HAS1: variants seen among roughly 807,000 people sequenced by gnomAD.
The protein encoded by HAS1 is hyaluronan synthase 1.
HAS1 carries 27 observed loss-of-function variants against 35.0 expected under a neutral mutation model. The ratio of observed to expected loss-of-function variants is 0.77; its 90% CI spans 0.57 to 1.06. HAS1 has a LOEUF of 1.06. Among genes scored for constraint, HAS1 ranks in the 50% least tolerant of loss-of-function variants. The pLI is 0.00. For synonymous variants in HAS1, 409 were observed against 371.2 expected, an observed-to-expected ratio of 1.10 and a Z score of -1.17; for missense variants, 940 against 814.8, an observed-to-expected ratio of 1.15 and a Z score of -1.87.
rs762435007 is a variant in HAS1, at chr19:51,719,360, T to A, written c.545A>T (p.Tyr182Phe). ...AAAGAVGAGA[Y>F]REVEAEDPGR... ...AGGATCCTCCGCCTCCACCTCCCGATAGGCTCCGGCGCCCACCGCGCCCGC... is the reference window on the plus strand; with the variant it reads ...AGGATCCTCCGCCTCCACCTCCCGAAAGGCTCCGGCGCCCACCGCGCCCGC... Residue 182 changes from tyrosine (Y) to phenylalanine (F), a missense_variant, in exon 2 of 5, where the codon TAT (tyrosine) becomes TTT (phenylalanine). By Grantham distance (22) the Tyr-to-Phe change is conservative. Transcript: ENST00000540069. 50 of 1,603,250 alleles carry A rather than the reference T, an allele frequency of 3.1e-5. No homozygotes were observed. Among genetic ancestry groups the A allele is most frequent in the African/African-American group, 5.4e-5 (4 of 74,546 alleles).
At position 51,719,295 on chromosome 19, in the gene HAS1, A is replaced by G; in HGVS notation, c.610T>C (p.Cys204Arg). The change falls in exon 2 of 5, where the codon TGC (cysteine) becomes CGC (arginine). Residue 204 changes from cysteine to arginine, a missense_variant. By Grantham distance (180) the Cys-to-Arg change is radical. Coordinates refer to ENST00000540069, the MANE Select transcript of HAS1 (RefSeq NM_001297436.2). Reference sequence around the variant, plus strand: ...CCCCAGCGCTGCGCCACGCACACGCACCTGCGAGTCCTCACCAGCGCCTCC... The same window carrying G: ...CCCCAGCGCTGCGCCACGCACACGCGCCTGCGAGTCCTCACCAGCGCCTCC... ...AVEALVRTRR[C>R]VCVAQRWGGK... 6.2e-7 allele frequency: 1 copy of G among 1,612,090 alleles called. No individual in the cohort carries two copies. Among genetic ancestry groups the G allele is most frequent in the Non-Finnish European group, 8.5e-7 (1 of 1,179,358 alleles).
chr19:51,715,705 C>G (rs11667974), intron 4 of HAS1, among the ~76,000 whole-genome samples: 22,271 of 152,190 alleles, frequency 0.15, 1,790 homozygotes, highest in Admixed American at 0.23. Flanking sequence ...AGAAATCACT[C>G]TCCCCTGAAC....
In HAS1 at chr19:51,714,117, G is replaced by A; in HGVS notation, c.1059-15C>T. 6.2e-7 allele frequency: 1 copy of A among 1,606,678 alleles called. No individual in the cohort carries two copies. On this transcript the variant is annotated splice_polypyrimidine_tract_variant and intron_variant, in intron 4 of 4. Transcript: ENST00000540069. ...TGGAGGTGTACCTGCACGGGGGCGA[G>A]GAATGAGGGCATCATCGCGTGCTCC...
intron 4 of HAS1, among the ~76,000 whole-genome samples, chr19:51,715,522 C>A (rs2083580787): frequency 1.3e-5 from 2 of 152,162 alleles, no homozygotes; most frequent in Admixed American, 6.5e-5. Context: ...TTATTTATTT[C>A]TTGTGTGTCT....
chr19:51,713,562 G>A lies in HAS1; in HGVS notation c.1599C>T (p.Arg533=), dbSNP rs1049343160. 23 of 1,576,454 alleles carry A rather than the reference G, an allele frequency of 1.5e-5. No individual in the cohort carries two copies. Among genetic ancestry groups the A allele is most frequent in the Non-Finnish European group, 1.8e-5 (21 of 1,162,104 alleles). Residue 533 remains arginine (R), a synonymous_variant, in exon 5 of 5, where the codon CGC becomes CGT. Coordinates refer to ENST00000540069, the MANE Select transcript of HAS1 (RefSeq NM_001297436.2). This position sits in a 1 kb window ranked among gnomAD's most constrained non-coding sequence, Gnocchi z 4.5. ...CGGCCAAGTGGTAGGCCTCGGCTGCGCGGGAAGGGCCGCTCCAGTCGGCCC... is the reference window on the plus strand; with the variant it reads ...CGGCCAAGTGGTAGGCCTCGGCTGCACGGGAAGGGCCGCTCCAGTCGGCCC... ...EARADWSGPS[R]AAEAYHLAAG... is the part of the protein sequence containing the mutation.
At chr19:51,720,727 A>G (rs559909429) in intron 1 of HAS1, among the ~76,000 whole-genome samples, 1 of 151,900 alleles carries the variant, frequency 6.6e-6, no homozygotes, top group African/African-American at 2.4e-5. Flanking sequence ...CCAAAGTGCT[A>G]TGAATACAGG....
At chr19:51,714,668 G>T (rs2083573981) in intron 4 of HAS1, among the ~76,000 whole-genome samples, 1 of 120,248 alleles carries the variant, frequency 8.3e-6, no homozygotes, top group African/African-American at 3.2e-5. Flanking sequence ...TCCAGCCTGA[G>T]CCTGAGCAAC....
rs536238533 is a variant in HAS1, at chr19:51,714,019, G to A, written c.1142C>T (p.Ser381Leu). The change falls in exon 5 of 5, where the codon TCG (serine) becomes TTG (leucine). Residue 381 changes from serine (S) to leucine (L), a missense_variant. Physicochemically the swap from Ser to Leu is moderately radical, Grantham distance 145. Transcript: ENST00000540069. ...GTTGTACAGCCACTCACGGAAGTACGACTTGGACCAGCGTGTCTGCTGGCT... is the reference window on the plus strand; with the variant it reads ...GTTGTACAGCCACTCACGGAAGTACAACTTGGACCAGCGTGTCTGCTGGCT... ...WLSQQTRWSK[S>L]YFREWLYNAL... 1.9e-6 allele frequency: 3 copies of A among 1,613,968 alleles called. No homozygotes were observed. The highest frequency in any genetic ancestry group is 2.2e-5 in the East Asian group (1 of 44,886).
chr19:51,713,711 G>C lies in HAS1; in HGVS notation c.1450C>G (p.Gln484Glu). 1 of 1,606,016 alleles carries C rather than the reference G, an allele frequency of 6.2e-7. No homozygotes were observed. The change falls in exon 5 of 5, where the codon CAG (glutamine) becomes GAG (glutamate). Residue 484 changes from glutamine to glutamate, a missense_variant. By Grantham distance (29) the Gln-to-Glu change is conservative. Transcript: ENST00000540069. This position sits in a 1 kb window ranked among gnomAD's most constrained non-coding sequence, Gnocchi z 4.5. ...CGGCCCGAGGTGCCCCAGCCACTCT[G>C]GTTCATGGTGACTAGCGCCAGGAAC... ...AKFLALVTMNQSGWGTSGRRK... is the reference protein window; with the variant it reads ...AKFLALVTMNESGWGTSGRRK...
chr19:51,718,306 T>C (rs12979077), intron 2 of HAS1, among the ~76,000 whole-genome samples: 2 of 151,678 alleles, frequency 1.3e-5, no homozygotes, highest in Admixed American at 6.6e-5. Context: ...TTAATCTGTA[T>C]ATTGAATACA....
Position 51,713,668 on chromosome 19 carries a change from T to G in HAS1, c.1493A>C (p.Asn498Thr), listed in dbSNP as rs1304272146. Reference sequence around the variant, plus strand: ...CGCCAGGGGCAGCAGAGGGACGTAGTTAGCGGCCAGCTTCCGCCGGCCCGA... The same window carrying G: ...CGCCAGGGGCAGCAGAGGGACGTAGGTAGCGGCCAGCTTCCGCCGGCCCGA... ...GTSGRRKLAA[N>T]YVPLLPLALW... The change falls in exon 5 of 5, where the codon AAC becomes ACC. Residue 498 changes from asparagine to threonine, a missense_variant. Physicochemically the swap from Asn to Thr is moderately conservative, Grantham distance 65 (BLOSUM62 0). Transcript: ENST00000540069. This position sits in a 1 kb window ranked among gnomAD's most constrained non-coding sequence, Gnocchi z 4.5. 2 of 1,583,112 alleles carry G rather than the reference T, an allele frequency of 1.3e-6. No individual in the cohort carries two copies. Among genetic ancestry groups the G allele is most frequent in the South Asian group, 1.1e-5 (1 of 87,654 alleles).
chr19:51,714,695 T>TAAAAAAAAAAAAAAAAAAAAA lies in HAS1; in HGVS notation c.1059-594_1059-593insTTTTTTTTTTTTTTTTTTTTT, dbSNP rs148154630. ...CTGAGCAACACAGCAAGACTCTATC[T>TAAAAAAAAAAAAAAAAAAAAA]AAGAAAAAAAAAAAGGCTCTCATAA... On this transcript the variant is annotated intron_variant, in intron 4 of 4. Coordinates refer to ENST00000540069, the MANE Select transcript of HAS1 (RefSeq NM_001297436.2). Among the ~76,000 whole-genome samples, 4 of 95,812 alleles carry TAAAAAAAAAAAAAAAAAAAAA rather than the reference T, an allele frequency of 4.2e-5. 1 individual carries two copies. Among genetic ancestry groups the TAAAAAAAAAAAAAAAAAAAAA allele is most frequent in the African/African-American group, 8.3e-5 (2 of 24,172 alleles). 62.9% of individuals were successfully genotyped at this position (95,812 alleles called of 152,430 possible). A position where few individuals can be genotyped will look rare whatever the true frequency, so the allele number is the denominator to read the frequency against.
chr19:51,719,283 C>A lies in HAS1; in HGVS notation c.622G>T (p.Ala208Ser). 6.2e-7 allele frequency: 1 copy of A among 1,611,754 alleles called. No individual in the cohort carries two copies. The highest frequency in any genetic ancestry group is 8.5e-7 in the Non-Finnish European group (1 of 1,179,194). Reference protein sequence around the residue: ...LVRTRRCVCVAQRWGGKREVM... With the variant: ...LVRTRRCVCVSQRWGGKREVM... ...TCGCGCTTGCCGCCCCAGCGCTGCG[C>A]CACGCACACGCACCTGCGAGTCCTC... The change falls in exon 2 of 5, where the codon GCG becomes TCG. Residue 208 changes from alanine to serine, a missense_variant. Ala to Ser is a moderately conservative substitution (Grantham distance 99). Coordinates refer to ENST00000540069, the MANE Select transcript of HAS1 (RefSeq NM_001297436.2).
At chr19:51,722,203 A>G (rs1420441374) in intron 1 of HAS1, among the ~76,000 whole-genome samples, 2 of 152,234 alleles carry the variant, frequency 1.3e-5, no homozygotes, top group Admixed American at 1.3e-4. Flanking sequence ...TGCAGCCAGT[A>G]TCACCGAGGA....
intron 1 of HAS1, 67 bp from the exon 2 acceptor site, chr19:51,719,962 G>T: frequency 1.9e-6 from 2 of 1,059,514 alleles, no homozygotes; most frequent in Non-Finnish European, 2.7e-6. Flanking sequence ...TCCGAGAGAA[G>T]ATTAAAAATC....
rs747106970 is a variant in HAS1 at position 51,713,493 on chromosome 19, C to T, written c.1668G>A (p.Thr556=). 6.2e-6 allele frequency: 10 copies of T among 1,605,402 alleles called. No homozygotes were observed. Among genetic ancestry groups the T allele is most frequent in the African/African-American group, 2.7e-5 (2 of 74,760 alleles). ...GCCTCCGCACGCCCACCCAGTACAG[C>T]GTCAACATGGCCACCCAGTAGCCCA... is the stretch of plus-strand genomic sequence containing the variant. The part of the protein sequence containing the change: ...AYVGYWVAML[T]LYWVGVRRLC... Residue 556 remains threonine, a synonymous_variant, in exon 5 of 5, where the codon ACG becomes ACA. Coordinates refer to ENST00000540069, the MANE Select transcript of HAS1 (RefSeq NM_001297436.2). This position sits in a 1 kb window ranked among gnomAD's most constrained non-coding sequence, Gnocchi z 4.5.
chr19:51,713,367 C>A lies in HAS1; in HGVS notation c.*60G>T. On this transcript the variant is annotated 3_prime_UTR_variant, in exon 5 of 5. Coordinates refer to ENST00000540069, the MANE Select transcript of HAS1 (RefSeq NM_001297436.2). The surrounding 1 kb of genome is among the most constrained non-coding windows in gnomAD (Gnocchi z 4.5). Reference sequence around the variant, plus strand: ...ACCCAGCAAGTTCGTGGCTCGGGGCCCAGCAGCTCTCCTCTGGCCTCCCCT... The same window carrying A: ...ACCCAGCAAGTTCGTGGCTCGGGGCACAGCAGCTCTCCTCTGGCCTCCCCT... 7 of 1,410,056 alleles carry A rather than the reference C, an allele frequency of 5.0e-6. No homozygotes were observed. Among genetic ancestry groups the A allele is most frequent in the Non-Finnish European group, 6.5e-6 (7 of 1,078,478 alleles). The allele number at this position is 1,410,056 out of a possible 1,614,324, so 87.3% of individuals were successfully genotyped here. A position where few individuals can be genotyped will look rare whatever the true frequency, so the allele number is the denominator to read the frequency against.
At chr19:51,720,013 T>C (rs57088533) in intron 1 of HAS1, 118 bp from the exon 2 acceptor site, 459,415 of 608,998 alleles carry the variant, frequency 0.75, 175,083 homozygotes, top group East Asian at 1. Flanking sequence ...CCCCTCCCTC[T>C]CTCTCTCCCT....
chr19:51,721,830 C>A (rs1379802055), intron 1 of HAS1, among the ~76,000 whole-genome samples: 1 of 152,100 alleles, frequency 6.6e-6, no homozygotes, highest in Non-Finnish European at 1.5e-5. Context: ...CTCGAACTCC[C>A]AGGCTCTAGC....
Sources: gnomAD v4.1 joint callset for allele counts (sites outside exome capture counted in the v4.1 genomes callset) on GRCh38, gnomAD v4.1.1 for gene constraint, Gnocchi (gnomAD v3.1) non-coding constraint, MANE v1.5 for transcripts, NCBI Gene and HGNC (gene_info 2026-07-23, HGNC 2026-07-21) for gene names.